CDH12: variants seen among roughly 807,000 people sequenced by gnomAD.
CDH12 encodes cadherin-12.
A neutral mutation model predicts 74.1 loss-of-function variants in CDH12; 41 were observed. The ratio of observed to expected loss-of-function variants is 0.55; its 90% CI spans 0.43 to 0.72. CDH12 has a LOEUF of 0.72. Ranked by LOEUF, CDH12 falls within the 30% of genes least tolerant of loss-of-function variation. The pLI is 0.00. For synonymous variants in CDH12, 399 were observed against 355.0 expected (o/e 1.12, Z -1.39); for missense variants, 945 against 977.2 (o/e 0.97, Z 0.44).
intron 3 of CDH12, among the ~76,000 whole-genome samples, chr5:22,225,764 G>A (rs1192767432): frequency 1.6e-4 from 24 of 152,040 alleles, no homozygotes; most frequent in Admixed American, 1.6e-3. Flanking sequence ...TAAAAGTTGG[G>A]CCTTTTTCTC....
chr5:22,717,531 G>C (rs76705449), intron 1 of CDH12, among the ~76,000 whole-genome samples: 6,207 of 152,196 alleles, frequency 0.041, 177 homozygotes, highest in Admixed American at 0.07. Flanking sequence ...TATCTGTATA[G>C]GCAAGTGGAG....
chr5:22,026,606 G>A (rs1738377143), intron 5 of CDH12, among the ~76,000 whole-genome samples: 1 of 152,048 alleles, frequency 6.6e-6, no homozygotes, highest in Non-Finnish European at 1.5e-5. Flanking sequence ...CTTTCATTAT[G>A]CTTCTAATGA....
At chr5:22,310,462 C>CAAA (rs33959662) in intron 3 of CDH12, among the ~76,000 whole-genome samples, 47,584 of 138,344 alleles carry the variant, frequency 0.34, 9,255 homozygotes, top group Admixed American at 0.46. Flanking sequence ...GACTCTGTCT[C>CAAA]AAAAAAAAAA....
chr5:22,844,982 A>G (rs112951535), intron 1 of CDH12, among the ~76,000 whole-genome samples: 2,080 of 152,268 alleles, frequency 0.014, 47 homozygotes, highest in African/African-American at 0.047. Context: ...TGAATCTTAG[A>G]GCCAATTAAG....
At chr5:22,395,764 T>C (rs764085515) in intron 3 of CDH12, among the ~76,000 whole-genome samples, 24 of 152,116 alleles carry the variant, frequency 1.6e-4, no homozygotes, top group Non-Finnish European at 3.2e-4. Context: ...TTTAGTGATA[T>C]GGAGCTGTAT....
intron 3 of CDH12, among the ~76,000 whole-genome samples, chr5:22,310,630 C>G (rs1160300290): frequency 1.3e-5 from 2 of 152,156 alleles, no homozygotes; most frequent in Admixed American, 6.5e-5. Flanking sequence ...CCAATAGCAT[C>G]TACCCAAAAG....
At chr5:22,450,430 T>G (rs971647877) in intron 2 of CDH12, among the ~76,000 whole-genome samples, 2 of 151,920 alleles carry the variant, frequency 1.3e-5, no homozygotes, top group Non-Finnish European at 2.9e-5. Flanking sequence ...ACCTCCCCCT[T>G]TATCCAGTTG....
intron 6 of CDH12, among the ~76,000 whole-genome samples, chr5:21,904,368 A>C (rs1371288386): frequency 6.6e-6 from 1 of 152,178 alleles, no homozygotes. Flanking sequence ...GGAAGGAATA[A>C]TAATGGGATG....
intron 10 of CDH12, among the ~76,000 whole-genome samples, chr5:21,786,772 T>G (rs909796613): frequency 3.9e-5 from 6 of 152,182 alleles, no homozygotes; most frequent in Non-Finnish European, 7.3e-5. Flanking sequence ...ATTTATCATT[T>G]TAGATGCCAT....
chr5:22,551,176 G>T (rs1738549147), intron 1 of CDH12, among the ~76,000 whole-genome samples: 1 of 152,128 alleles, frequency 6.6e-6, no homozygotes, highest in Non-Finnish European at 1.5e-5. Flanking sequence ...AAAAGGGAGA[G>T]ACACCAGAGA....
intron 1 of CDH12, among the ~76,000 whole-genome samples, chr5:22,816,762 C>G (rs1329526522): frequency 2.0e-5 from 3 of 152,014 alleles, no homozygotes; most frequent in African/African-American, 7.2e-5. Context: ...CCAATCTAAC[C>G]CACACTTTAA....
chr5:21,965,312 A>G (rs1424224215), intron 6 of CDH12, among the ~76,000 whole-genome samples: 1 of 152,012 alleles, frequency 6.6e-6, no homozygotes, highest in Non-Finnish European at 1.5e-5. Flanking sequence ...AAGAGAGGGG[A>G]AAAAGGGTAT....
chr5:21,825,678 C>T (rs1480883616), intron 8 of CDH12, among the ~76,000 whole-genome samples: 1 of 152,148 alleles, frequency 6.6e-6, no homozygotes, highest in African/African-American at 2.4e-5. Flanking sequence ...AGTAAAGTTT[C>T]CCCTGAGATA....
intron 2 of CDH12, among the ~76,000 whole-genome samples, chr5:22,494,393 C>T (rs1003328761): frequency 1.3e-5 from 2 of 152,210 alleles, no homozygotes; most frequent in African/African-American, 4.8e-5. Context: ...TCCCGCCTTT[C>T]ACCCTGAGCT....
intron 1 of CDH12, among the ~76,000 whole-genome samples, chr5:22,836,686 C>CA (rs565637726): frequency 6.0e-4 from 90 of 151,074 alleles, no homozygotes; most frequent in South Asian, 5.9e-3. Flanking sequence ...GGTGTTTATT[C>CA]AAAAAAAAAT....
At chr5:22,325,863 A>C (rs181898486) in intron 3 of CDH12, among the ~76,000 whole-genome samples, 2 of 151,988 alleles carry the variant, frequency 1.3e-5, no homozygotes, top group South Asian at 2.1e-4. Flanking sequence ...AGCTGAGATC[A>C]CGCCACTGCA....
At position 22,073,040 on chromosome 5, in the gene CDH12, GTA is replaced by G. The variant is rs371186734; in HGVS notation, c.231+5404_231+5405del. Among the ~76,000 whole-genome samples, 492 of 152,152 alleles carry G rather than the reference GTA, an allele frequency of 3.2e-3. 5 individuals carry two copies. Among genetic ancestry groups the G allele is most frequent in the African/African-American group, 0.011 (471 of 41,540 alleles). On this transcript the variant is annotated intron_variant, in intron 5 of 14. Transcript: ENST00000382254. ...ATAGTGTTCTTTTGCAGATATGTAA[GTA>G]TATGTCTGTAAAGCAATTAAAATTG... is the stretch of plus-strand genomic sequence containing the variant.
Position 22,756,271 on chromosome 5 carries a change from G to A in CDH12, c.-523+96787C>T, listed in dbSNP as rs144318815. On this transcript the variant is annotated intron_variant, in intron 1 of 14. Coordinates refer to ENST00000382254, the MANE Select transcript of CDH12 (RefSeq NM_004061.5). ...ATACTGATTAAAACACTAGTATAGC[G>A]GTTGTAACAAATCCATCGTACACTA... 8.0e-3 allele frequency among the ~76,000 whole-genome samples: 1,212 copies of A among 152,000 alleles called. 14 individuals carry two copies. Among genetic ancestry groups the A allele is most frequent in the Non-Finnish European group, 0.013 (883 of 67,938 alleles).
intron 1 of CDH12, among the ~76,000 whole-genome samples, chr5:22,685,010 T>A (rs1741686676): frequency 6.6e-6 from 1 of 152,142 alleles, no homozygotes; most frequent in Non-Finnish European, 1.5e-5. Flanking sequence ...AAAAATAGTT[T>A]TTTGGCAGAC....
Sources: allele counts gnomAD v4.1 joint callset (sites outside exome capture counted in the v4.1 genomes callset), GRCh38; gene constraint gnomAD v4.1.1; transcripts MANE v1.5; gene names NCBI Gene and HGNC (gene_info 2026-07-23, HGNC 2026-07-21).